Variants in SIK2 observed in about 807,000 individuals in gnomAD.
SIK2 encodes serine/threonine-protein kinase SIK2.
Under a neutral mutation model 103.2 loss-of-function variants are expected in SIK2, and 29 were observed. The observed-to-expected ratio is 0.28, with a 90% CI of 0.21 to 0.38. The LOEUF is 0.38. SIK2 is among the 10% of genes least tolerant of loss of function. The pLI, the probability that SIK2 is intolerant of heterozygous loss-of-function variation, is 1.00. For missense variants in SIK2, 879 were observed against 1,171.0 expected (o/e 0.75, Z 3.64); for synonymous variants, 412 against 446.1 (o/e 0.92, Z 0.96).
At chr11:111,704,219 G>A (rs760902087) in intron 7 of SIK2, among the ~76,000 whole-genome samples, 2 of 152,174 alleles carry the variant, frequency 1.3e-5, no homozygotes, top group South Asian at 4.1e-4. Context: ...AGTGCATCCT[G>A]AGCAGTAGCT....
chr11:111,607,556 T>A (rs1366688063), intron 1 of SIK2, among the ~76,000 whole-genome samples: 1 of 152,182 alleles, frequency 6.6e-6, no homozygotes, highest in African/African-American at 2.4e-5. Flanking sequence ...ATATTCCAGA[T>A]TTCAAGAAGC....
At position 111,720,022 on chromosome 11, in the gene SIK2, A is replaced by G. The variant is rs72981283; in HGVS notation, c.1495+19A>G. 2 of 1,602,524 alleles carry G rather than the reference A, an allele frequency of 1.2e-6. No homozygotes were observed. The highest frequency in any genetic ancestry group is 2.2e-5 in the South Asian group (2 of 89,510). On this transcript the variant is annotated intron_variant, in intron 10 of 14. Transcript: ENST00000304987. ...GGGGCAGGTACGGTAGAGGAGCGAC[A>G]CTAGCTTGAGTCTTCATGGCATCAT...
Position 111,727,110 on chromosome 11 carries a change from A to G in SIK2, c.*2981A>G, listed in dbSNP as rs926633611. ...ACAGGAAGAGGGGGCCCACTTTCACATTCCCGGTGACACTGACCGTCCCCA... is the reference window on the plus strand; with the variant it reads ...ACAGGAAGAGGGGGCCCACTTTCACGTTCCCGGTGACACTGACCGTCCCCA... On this transcript the variant is annotated 3_prime_UTR_variant, in exon 15 of 15. Coordinates refer to ENST00000304987, the MANE Select transcript of SIK2 (RefSeq NM_015191.3). 3.3e-6 allele frequency: 5 copies of G among 1,505,658 alleles called. No homozygotes were observed. In the African/African-American group the frequency reaches 6.9e-5, roughly 21 times the overall value. 93.3% of individuals were successfully genotyped at this position (1,505,658 alleles called of 1,614,324 possible). A position where few individuals can be genotyped will look rare whatever the true frequency, so the allele number is the denominator to read the frequency against.
chr11:111,708,307 A>G (rs1943406382), intron 8 of SIK2, among the ~76,000 whole-genome samples: 1 of 152,142 alleles, frequency 6.6e-6, no homozygotes, highest in South Asian at 2.1e-4. Flanking sequence ...GCTTGAACCC[A>G]GGAGACAGAG....
chr11:111,677,925 T>C (rs1201425677), intron 3 of SIK2, among the ~76,000 whole-genome samples: 1 of 152,230 alleles, frequency 6.6e-6, no homozygotes, highest in Non-Finnish European at 1.5e-5. Context: ...TTCAGTGCTT[T>C]TTACAAATGT....
At chr11:111,634,144 A>C (rs1020134296) in intron 3 of SIK2, among the ~76,000 whole-genome samples, 31 of 152,102 alleles carry the variant, frequency 2.0e-4, no homozygotes, top group African/African-American at 6.5e-4. Context: ...GCTCCTTGAT[A>C]TGCTGTGTCT....
chr11:111,696,225 T>C (rs1943067515), intron 4 of SIK2, among the ~76,000 whole-genome samples: 1 of 152,194 alleles, frequency 6.6e-6, no homozygotes, highest in Non-Finnish European at 1.5e-5. Flanking sequence ...CTAAATGCAA[T>C]GTGGAATCCC....
chr11:111,633,846 A>G (rs1942070038), intron 3 of SIK2, among the ~76,000 whole-genome samples: 2 of 152,190 alleles, frequency 1.3e-5, no homozygotes, highest in African/African-American at 4.8e-5. Context: ...TGGAATGGCA[A>G]ATGAATTTGC....
At chr11:111,653,328 A>G (rs1942352059) in intron 3 of SIK2, among the ~76,000 whole-genome samples, 1 of 152,242 alleles carries the variant, frequency 6.6e-6, no homozygotes, top group African/African-American at 2.4e-5. Flanking sequence ...GCTGTCATTT[A>G]TGGAACTGTT....
intron 8 of SIK2, among the ~76,000 whole-genome samples, chr11:111,706,794 T>G (rs933843581): frequency 6.6e-6 from 1 of 151,954 alleles, no homozygotes; most frequent in Non-Finnish European, 1.5e-5. Context: ...ACCCCGTCTC[T>G]ACTAAAAATA....
intron 1 of SIK2, among the ~76,000 whole-genome samples, chr11:111,615,138 CAAATA>C (rs779968689): frequency 3.3e-5 from 5 of 151,522 alleles, no homozygotes; most frequent in African/African-American, 7.3e-5. Context: ...GACTCTGTAT[CAAATA>C]AATAAATAAA....
intron 3 of SIK2, among the ~76,000 whole-genome samples, chr11:111,646,656 G>A (rs1942261615): frequency 6.6e-6 from 1 of 152,052 alleles, no homozygotes; most frequent in Non-Finnish European, 1.5e-5. Flanking sequence ...TGTCACTACA[G>A]CTGTACATAG....
At chr11:111,670,403 C>T (rs765701748) in intron 3 of SIK2, among the ~76,000 whole-genome samples, 10 of 152,170 alleles carry the variant, frequency 6.6e-5, no homozygotes, top group African/African-American at 2.2e-4. Context: ...GTTATAAATC[C>T]GTGGTGGTAC....
chr11:111,610,366 T>G (rs896763925), intron 1 of SIK2, among the ~76,000 whole-genome samples: 2 of 151,948 alleles, frequency 1.3e-5, no homozygotes, highest in South Asian at 2.1e-4. Flanking sequence ...GGTGCATGCC[T>G]GTAATCCCAG....
At chr11:111,634,966 C>G (rs1404798513) in intron 3 of SIK2, among the ~76,000 whole-genome samples, 5 of 152,148 alleles carry the variant, frequency 3.3e-5, no homozygotes, top group African/African-American at 9.7e-5. Context: ...ATTAGACTAT[C>G]CTTGGCTGTA....
intron 8 of SIK2, among the ~76,000 whole-genome samples, chr11:111,711,150 G>T (rs1268636243): frequency 6.8e-5 from 10 of 146,424 alleles, no homozygotes; most frequent in Non-Finnish European, 1.5e-4. Flanking sequence ...ACGGAGTCTT[G>T]CTCTGTTGCC....
At chr11:111,693,483 A>G (rs1942997740) in intron 4 of SIK2, among the ~76,000 whole-genome samples, 1 of 152,222 alleles carries the variant, frequency 6.6e-6, no homozygotes, top group African/African-American at 2.4e-5. Context: ...ACTGGCTTTC[A>G]GTAGTTTTAG....
intron 3 of SIK2, among the ~76,000 whole-genome samples, chr11:111,657,991 G>A (rs947308432): frequency 7.9e-5 from 12 of 152,004 alleles, no homozygotes; most frequent in African/African-American, 2.9e-4. Context: ...TTCCATAGGC[G>A]TGGAAGAGCT....
chr11:111,703,198 T>C lies in SIK2; in HGVS notation c.728-5T>C, dbSNP rs1204305619. 14 of 1,613,702 alleles carry C rather than the reference T, an allele frequency of 8.7e-6. No homozygotes were observed. Among genetic ancestry groups the C allele is most frequent in the Non-Finnish European group, 1.1e-5 (13 of 1,179,816 alleles). Reference sequence around the variant, plus strand: ...GTGACTTTTGTAACATTGTGTTTTCTATAGATTGCGAGCACCTTATCCGAA... The same window carrying C: ...GTGACTTTTGTAACATTGTGTTTTCCATAGATTGCGAGCACCTTATCCGAA... On this transcript the variant is annotated splice_polypyrimidine_tract_variant and splice_region_variant and intron_variant, in intron 6 of 14. Transcript: ENST00000304987.
Sources: allele counts gnomAD v4.1 joint callset (sites outside exome capture counted in the v4.1 genomes callset), GRCh38; gene constraint gnomAD v4.1.1; transcripts MANE v1.5; gene names NCBI Gene and HGNC (gene_info 2026-07-23, HGNC 2026-07-21).